ACAP2: variants seen among roughly 807,000 people sequenced by gnomAD.
ACAP2 encodes arf-GAP with coiled-coil, ANK repeat and PH domain-containing protein 2.
A neutral mutation model predicts 115.8 loss-of-function variants in ACAP2; 39 were observed. The observed-to-expected ratio is 0.34, with a 90% CI of 0.26 to 0.44. ACAP2 has a LOEUF of 0.44. Ranked by LOEUF, ACAP2 falls within the 20% of genes least tolerant of loss-of-function variation. The pLI, the probability that ACAP2 is intolerant of heterozygous loss-of-function variation, is 1.00. For synonymous variants in ACAP2, 289 were observed against 315.8 expected (o/e 0.92, Z 0.90); for missense variants, 662 against 927.6 (o/e 0.71, Z 3.72).
intron 1 of ACAP2, among the ~76,000 whole-genome samples, chr3:195,423,989 G>T (rs1290818774): frequency 6.6e-6 from 1 of 151,798 alleles, no homozygotes; most frequent in East Asian, 1.9e-4. Context: ...CTTTCTCAGG[G>T]TGGGTCCCTG....
chr3:195,309,714 T>C (rs79401280), intron 10 of ACAP2, among the ~76,000 whole-genome samples: 3,276 of 152,290 alleles, frequency 0.022, 112 homozygotes, highest in East Asian at 0.1. Flanking sequence ...CAAATTAGCT[T>C]GGCCTTACTT....
intron 9 of ACAP2, chr3:195,325,490 G>A (rs1348777544): frequency 2.5e-6 from 1 of 406,222 alleles, no homozygotes; most frequent in Non-Finnish European, 4.7e-6. Context: ...AAAGAGGTCA[G>A]TATTCATAAT....
At chr3:195,369,808 C>T (rs1732996219) in intron 4 of ACAP2, among the ~76,000 whole-genome samples, 1 of 152,136 alleles carries the variant, frequency 6.6e-6, no homozygotes. Context: ...GGTAGTTCTG[C>T]TTTTCGGTCT....
At chr3:195,320,644 GA>G in intron 10 of ACAP2, 56 bp downstream of exon 10, 2 of 1,257,776 alleles carry the variant, frequency 1.6e-6, no homozygotes, top group Non-Finnish European at 2.3e-6. Flanking sequence ...AAATCACAGG[GA>G]AAGTCAGAAA....
intron 6 of ACAP2, among the ~76,000 whole-genome samples, chr3:195,340,463 T>A (rs138551706): frequency 4.2e-4 from 64 of 151,966 alleles, no homozygotes; most frequent in African/African-American, 1.5e-3. Context: ...GCAAGGGGCA[T>A]GATGAGACTG....
intron 8 of ACAP2, among the ~76,000 whole-genome samples, chr3:195,330,011 T>C (rs896879648): frequency 1.3e-5 from 2 of 152,138 alleles, no homozygotes; most frequent in Non-Finnish European, 1.5e-5. Context: ...TAGATTTTTT[T>C]AAATAGCTCT....
chr3:195,382,311 A>T (rs1733998749), intron 2 of ACAP2, among the ~76,000 whole-genome samples: 1 of 152,120 alleles, frequency 6.6e-6, no homozygotes, highest in South Asian at 2.1e-4. Flanking sequence ...TAGCTTAGTG[A>T]TCATTTCAAT....
intron 4 of ACAP2, among the ~76,000 whole-genome samples, chr3:195,377,298 C>T (rs558521102): frequency 3.3e-5 from 5 of 152,048 alleles, no homozygotes; most frequent in African/African-American, 9.6e-5. Context: ...GCATGAGCCA[C>T]CACACCCAGC....
chr3:195,413,134 T>A (rs1452491176), intron 1 of ACAP2, among the ~76,000 whole-genome samples: 1 of 152,210 alleles, frequency 6.6e-6, no homozygotes, highest in South Asian at 2.1e-4. Context: ...TTAAACTTTG[T>A]TCCTTTTGTA....
intron 4 of ACAP2, among the ~76,000 whole-genome samples, chr3:195,360,330 T>C (rs1732267713): frequency 6.6e-6 from 1 of 152,136 alleles, no homozygotes. Flanking sequence ...ACATAACAAG[T>C]ATAATTATAT....
At chr3:195,358,403 C>A (rs1732130457) in intron 4 of ACAP2, among the ~76,000 whole-genome samples, 1 of 152,022 alleles carries the variant, frequency 6.6e-6, no homozygotes, top group Non-Finnish European at 1.5e-5. Flanking sequence ...GCACCAGGGG[C>A]AAATCGGAGC....
intron 3 of ACAP2, 137 bp downstream of exon 3, chr3:195,381,766 G>A: frequency 1.1e-6 from 1 of 905,152 alleles, no homozygotes; most frequent in African/African-American, 1.7e-5. Flanking sequence ...ATACAAGAGA[G>A]CACCAAGGGG....
intron 1 of ACAP2, among the ~76,000 whole-genome samples, chr3:195,429,555 A>C (rs1024133169): frequency 1.1e-4 from 17 of 152,146 alleles, no homozygotes; most frequent in African/African-American, 4.1e-4. Flanking sequence ...AAAAAAAGCA[A>C]AACAGTGGTT....
At chr3:195,289,886 A>G (rs1309790675) in intron 20 of ACAP2, among the ~76,000 whole-genome samples, 1 of 152,134 alleles carries the variant, frequency 6.6e-6, no homozygotes, top group African/African-American at 2.4e-5. Flanking sequence ...ACTCAAGGTC[A>G]TTATTTGAAA....
At chr3:195,331,903 G>C (rs1377233027) in intron 8 of ACAP2, among the ~76,000 whole-genome samples, 1 of 152,036 alleles carries the variant, frequency 6.6e-6, no homozygotes, top group Non-Finnish European at 1.5e-5. Context: ...GGGAGGCTGA[G>C]GCGGGCAGAT....
chr3:195,395,904 C>T (rs1264813112), intron 1 of ACAP2, among the ~76,000 whole-genome samples: 2 of 152,148 alleles, frequency 1.3e-5, no homozygotes, highest in Admixed American at 1.3e-4. Context: ...CTTATCTATT[C>T]ATGCATCATA....
At chr3:195,415,383 TCTC>T (rs1417326216) in intron 1 of ACAP2, among the ~76,000 whole-genome samples, 1 of 151,914 alleles carries the variant, frequency 6.6e-6, no homozygotes, top group African/African-American at 2.4e-5. Context: ...TTCAAGAGAT[TCTC>T]CTGCCTCAGC....
intron 9 of ACAP2, among the ~76,000 whole-genome samples, chr3:195,321,795 T>C (rs762482259): frequency 6.6e-6 from 1 of 151,818 alleles, no homozygotes; most frequent in Non-Finnish European, 1.5e-5. Flanking sequence ...GTATTTTTAG[T>C]AGAGACAGGA....
intron 4 of ACAP2, among the ~76,000 whole-genome samples, chr3:195,371,159 G>C (rs952314538): frequency 3.3e-5 from 5 of 152,068 alleles, no homozygotes; most frequent in Non-Finnish European, 5.9e-5. Flanking sequence ...GGGCTGTATG[G>C]CCATTTTAAC....
Sources: gnomAD v4.1 joint callset for allele counts (sites outside exome capture counted in the v4.1 genomes callset) on GRCh38, gnomAD v4.1.1 for gene constraint, MANE v1.5 for transcripts, NCBI Gene and HGNC (gene_info 2026-07-23, HGNC 2026-07-21) for gene names.